The following GPALPP1 variants were observed in gnomAD, a reference collection of about 807,000 sequenced individuals.
The protein encoded by GPALPP1 is GPALPP motifs containing 1.
GPALPP1 carries 30 observed loss-of-function variants against 38.9 expected under a neutral mutation model. The observed-to-expected ratio is 0.77, with a 90% CI of 0.58 to 1.05. GPALPP1 has a LOEUF of 1.05. Ranked by LOEUF, GPALPP1 falls within the 50% of genes least tolerant of loss-of-function variation. The pLI is 0.00. For synonymous variants in GPALPP1, 120 were observed against 139.2 expected, an observed-to-expected ratio of 0.86 and a Z score of 0.97; for missense variants, 384 against 408.8, an observed-to-expected ratio of 0.94 and a Z score of 0.52.
Position 44,989,588 on chromosome 13 carries a change from A to C in GPALPP1, c.-67A>C. 1 of 1,509,144 alleles carries C rather than the reference A, an allele frequency of 6.6e-7. No individual in the cohort carries two copies. The highest frequency in any genetic ancestry group is 9.2e-7 in the Non-Finnish European group (1 of 1,090,520). The allele number at this position is 1,509,144 out of a possible 1,614,324, so 93.5% of individuals were successfully genotyped here. A position where few individuals can be genotyped will look rare whatever the true frequency, so the allele number is the denominator to read the frequency against. ...GCCATTCTTCGCTGCTGATCGCGGG[A>C]TTCTTTTTGGATAGGGTTGACGTTC... On this transcript the variant is annotated 5_prime_UTR_variant, in exon 1 of 8. Transcript: ENST00000379151.
chr13:44,995,780 G>A (rs564494636), intron 1 of GPALPP1, among the ~76,000 whole-genome samples: 2 of 152,312 alleles, frequency 1.3e-5, no homozygotes, highest in South Asian at 4.1e-4. Context: ...TCTGATTCAG[G>A]TGATCTGGGT....
At chr13:45,025,111 T>C (rs768588383) in intron 7 of GPALPP1, among the ~76,000 whole-genome samples, 13 of 152,092 alleles carry the variant, frequency 8.5e-5, no homozygotes, top group Non-Finnish European at 1.5e-4. Flanking sequence ...CAAAAACCAC[T>C]TGTACCCCTA....
At chr13:45,026,447 A>G (rs1474067918) in intron 7 of GPALPP1, among the ~76,000 whole-genome samples, 1 of 152,204 alleles carries the variant, frequency 6.6e-6, no homozygotes, top group African/African-American at 2.4e-5. Context: ...TTTCCATTCA[A>G]ATAAATGTGT....
chr13:45,022,444 A>C (rs1473460873), intron 7 of GPALPP1, among the ~76,000 whole-genome samples: 2 of 152,008 alleles, frequency 1.3e-5, no homozygotes, highest in East Asian at 3.8e-4. Flanking sequence ...ATATAAAAAA[A>C]CAAATATTGA....
downstream of GPALPP1, chr13:45,035,092 G>A (rs1243107522): frequency 6.6e-6 from 1 of 152,218 alleles, no homozygotes; most frequent in African/African-American, 2.4e-5. Context: ...CAGTAGCTGG[G>A]ACTACAGGCG....
intron 4 of GPALPP1, among the ~76,000 whole-genome samples, chr13:45,011,004 A>AT (rs1292041689): frequency 1.3e-5 from 2 of 152,156 alleles, no homozygotes; most frequent in Non-Finnish European, 2.9e-5. Flanking sequence ...AGAAAAAAAA[A>AT]GAAAAGGTCT....
Position 45,008,879 on chromosome 13 carries a change from G to A in GPALPP1, c.408G>A (p.Gln136=), listed in dbSNP as rs1056217712. 1.3e-6 allele frequency: 2 copies of A among 1,523,612 alleles called. No individual in the cohort carries two copies. Among genetic ancestry groups the A allele is most frequent in the Non-Finnish European group, 1.8e-6 (2 of 1,097,792 alleles). 94.4% of individuals were successfully genotyped at this position (1,523,612 alleles called of 1,614,324 possible). A position where few individuals can be genotyped will look rare whatever the true frequency, so the allele number is the denominator to read the frequency against. Residue 136 remains glutamine (Q), a splice_region_variant and synonymous_variant, in exon 4 of 8, where the codon CAG becomes CAA. Coordinates refer to ENST00000379151, the MANE Select transcript of GPALPP1 (RefSeq NM_018559.5). The part of the protein sequence containing the change: ...SDKGRDDPGQ[Q]ETDSSEDEDI... ...AGGGCAGAGATGATCCAGGACAACA[G>A]GTATCATCATCCCATTTCAACTCTA...
At chr13:45,026,162 T>C (rs1875821126) in intron 7 of GPALPP1, among the ~76,000 whole-genome samples, 1 of 152,240 alleles carries the variant, frequency 6.6e-6, no homozygotes, top group South Asian at 2.1e-4. Flanking sequence ...GCACTTGATT[T>C]GCTAATCAGT....
intron 7 of GPALPP1, among the ~76,000 whole-genome samples, chr13:45,024,481 T>C (rs1008646473): frequency 1.3e-5 from 2 of 151,734 alleles, no homozygotes; most frequent in Non-Finnish European, 2.9e-5. Context: ...GTATTTCTAG[T>C]AGAGATGGGG....
chr13:45,010,816 T>C (rs1874417568), intron 4 of GPALPP1, among the ~76,000 whole-genome samples: 1 of 152,050 alleles, frequency 6.6e-6, no homozygotes, highest in Non-Finnish European at 1.5e-5. Flanking sequence ...AAACCGCATC[T>C]CTACCAAAAA....
chr13:45,004,430 A>G lies in GPALPP1; in HGVS notation c.214A>G (p.Thr72Ala), dbSNP rs1293609294. 1.2e-6 allele frequency: 2 copies of G among 1,609,138 alleles called. No individual in the cohort carries two copies. The highest frequency in any genetic ancestry group is 1.7e-5 in the Admixed American group (1 of 59,874). The stretch of plus-strand genomic sequence containing the variant: ...ATCTGAAGAAGATGACAGTGGTCCA[A>G]CTGCAAGGTCAGTCATTTAATTAAA... Reference protein sequence around the residue: ...QESEEDDSGPTARKQRKNQDD... With the variant: ...QESEEDDSGPAARKQRKNQDD... The change falls in exon 2 of 8, where the codon ACT (threonine) becomes GCT (alanine). Residue 72 changes from threonine (T) to alanine (A), a missense_variant. Thr to Ala is a moderately conservative substitution (Grantham distance 58). Transcript: ENST00000379151.
chr13:45,012,921 C>T (rs1225747974), intron 4 of GPALPP1, among the ~76,000 whole-genome samples: 1 of 152,162 alleles, frequency 6.6e-6, no homozygotes, highest in African/African-American at 2.4e-5. Context: ...GACACTGCAA[C>T]AGCAGCATAA....
At chr13:45,012,672 G>T (rs535044532) in intron 4 of GPALPP1, among the ~76,000 whole-genome samples, 13 of 152,274 alleles carry the variant, frequency 8.5e-5, no homozygotes, top group African/African-American at 2.4e-4. Context: ...GAAGGCGAGG[G>T]TCAGGCTGGG....
chr13:45,017,352 G>C (rs1051551357), intron 6 of GPALPP1, among the ~76,000 whole-genome samples: 1 of 152,136 alleles, frequency 6.6e-6, no homozygotes, highest in Non-Finnish European at 1.5e-5. Flanking sequence ...GAATCTGAGA[G>C]TTATAATAGG....
chr13:44,995,202 A>ACACACCCACC (rs755761092), intron 1 of GPALPP1, among the ~76,000 whole-genome samples: 13 of 54,474 alleles, frequency 2.4e-4, no homozygotes, highest in African/African-American at 4.1e-4. Context: ...ACACACACAC[A>ACACACCCACC]CCCCTTCTCT....
intron 1 of GPALPP1, among the ~76,000 whole-genome samples, chr13:44,996,809 T>TTTTTTTTTTTA (rs2064608526): frequency 8.4e-6 from 1 of 118,398 alleles, no homozygotes. Flanking sequence ...TTTTTTTTTT[T>TTTTTTTTTTTA]CCAGTTTTTA....
intron 1 of GPALPP1, among the ~76,000 whole-genome samples, chr13:44,995,707 A>T (rs926914458): frequency 6.6e-6 from 1 of 152,190 alleles, no homozygotes; most frequent in East Asian, 1.9e-4. Context: ...TGTCTTCTGT[A>T]GCAGTGCACC....
rs773001405 is a variant in GPALPP1 at position 45,025,333 on chromosome 13, T to C, written c.805-2452T>C. 1.0e-3 allele frequency among the ~76,000 whole-genome samples: 153 copies of C among 152,238 alleles called. 2 individuals carry two copies. The highest frequency in any genetic ancestry group is 1.8e-3 in the Non-Finnish European group (122 of 68,038). ...ATTGATCTGTTTACAAAAAGTATTA[T>C]TAATAGCCTCTTAACTGTCAAGTCA... is the stretch of plus-strand genomic sequence containing the variant. On this transcript the variant is annotated intron_variant, in intron 7 of 7. Transcript: ENST00000379151.
At chr13:45,001,341 ACTCAGT>A (rs2137962728) in intron 1 of GPALPP1, among the ~76,000 whole-genome samples, 1 of 152,178 alleles carries the variant, frequency 6.6e-6, no homozygotes, top group East Asian at 1.9e-4. Flanking sequence ...TTTATAAATT[ACTCAGT>A]CTCAGGTATT....
Sources: gnomAD v4.1 joint callset for allele counts (sites outside exome capture counted in the v4.1 genomes callset) on GRCh38, gnomAD v4.1.1 for gene constraint, MANE v1.5 for transcripts, NCBI Gene and HGNC (gene_info 2026-07-23, HGNC 2026-07-21) for gene names.